PDZD2: variants seen among roughly 807,000 people sequenced by gnomAD.
The protein encoded by PDZD2 is PDZ domain-containing protein 2.
Under a neutral mutation model 220.7 loss-of-function variants are expected in PDZD2, and 90 were observed. The ratio of observed to expected loss-of-function variants is 0.41; its 90% CI spans 0.34 to 0.49. PDZD2 has a LOEUF of 0.49. PDZD2 is among the 20% of genes least tolerant of loss of function. The pLI, the probability that PDZD2 is intolerant of heterozygous loss-of-function variation, is 0.28. For missense variants in PDZD2, 3,174 were observed against 3,608.5 expected (o/e 0.88, Z 3.08); for synonymous variants, 1,375 against 1,450.5 (o/e 0.95, Z 1.18).
In PDZD2 at chr5:31,978,270, T is replaced by A. The variant is rs576407268; in HGVS notation, c.477-4885T>A. On this transcript the variant is annotated intron_variant, in intron 2 of 24. Transcript: ENST00000438447. ...TTTCTCAAATACTGACTTCAGAGTT[T>A]ACTGTAATGATTCTAATGCTGGGTA... Among the ~76,000 whole-genome samples the A allele has an allele frequency of 6.6e-5, 10 of 152,318 alleles. No homozygotes were observed. In the East Asian group the frequency reaches 1.9e-3, roughly 29 times the overall value.
intron 2 of PDZD2, among the ~76,000 whole-genome samples, chr5:31,857,445 AAG>A (rs1376891317): frequency 3.3e-5 from 5 of 152,182 alleles, no homozygotes; most frequent in African/African-American, 1.2e-4. Context: ...GTTCCTGAGA[AAG>A]AGGACATGGG....
intron 5 of PDZD2, among the ~76,000 whole-genome samples, chr5:32,002,800 A>G (rs1399742266): frequency 8.6e-6 from 1 of 116,680 alleles, no homozygotes; most frequent in African/African-American, 3.4e-5. Context: ...CACACCACCA[A>G]CACAACCACC....
intron 2 of PDZD2, among the ~76,000 whole-genome samples, chr5:31,952,286 G>C (rs1747250680): frequency 1.3e-5 from 2 of 152,340 alleles, no homozygotes; most frequent in African/African-American, 4.8e-5. Flanking sequence ...TATCATAGCA[G>C]ACAGTGATTT....
chr5:31,910,678 A>G (rs1199622554), intron 2 of PDZD2, among the ~76,000 whole-genome samples: 2 of 149,360 alleles, frequency 1.3e-5, no homozygotes. Context: ...AGCATGAGCT[A>G]CCACACCCAG....
chr5:31,898,808 C>CTTTTTT (rs35589628), intron 2 of PDZD2, among the ~76,000 whole-genome samples: 107 of 123,418 alleles, frequency 8.7e-4, no homozygotes, highest in Non-Finnish European at 1.2e-3. Context: ...AGCCTCTCTT[C>CTTTTTT]TTTTTTTTTT....
chr5:32,107,820 T>C, intron 24 of PDZD2, 149 bp from the exon 25 acceptor site: 1 of 507,596 alleles, frequency 2.0e-6, no homozygotes, highest in Non-Finnish European at 3.4e-6. Flanking sequence ...CTTTTATGGA[T>C]ATATGCTTTT....
At chr5:31,658,392 A>G (rs932371293) in intron 1 of PDZD2, among the ~76,000 whole-genome samples, 3 of 151,658 alleles carry the variant, frequency 2.0e-5, no homozygotes, top group Non-Finnish European at 4.4e-5. Flanking sequence ...TTCTGAGAAA[A>G]TTTCCCTCCT....
chr5:31,900,541 A>G (rs1741999074), intron 2 of PDZD2, among the ~76,000 whole-genome samples: 1 of 152,070 alleles, frequency 6.6e-6, no homozygotes, highest in Admixed American at 6.6e-5. Context: ...CTCCTGCAGG[A>G]TCTGGCCAGT....
At chr5:31,859,652 T>C (rs984342548) in intron 2 of PDZD2, among the ~76,000 whole-genome samples, 13 of 152,038 alleles carry the variant, frequency 8.6e-5, no homozygotes, top group African/African-American at 1.9e-4. Flanking sequence ...TGTTTGTTTG[T>C]TTGCTTTTGG....
At chr5:31,734,154 T>C (rs1749701892) in intron 1 of PDZD2, among the ~76,000 whole-genome samples, 1 of 152,012 alleles carries the variant, frequency 6.6e-6, no homozygotes, top group African/African-American at 2.4e-5. Flanking sequence ...AAAGATAGGA[T>C]AAAGGATACA....
intron 2 of PDZD2, among the ~76,000 whole-genome samples, chr5:31,873,680 G>A (rs1008871223): frequency 1.8e-4 from 27 of 151,544 alleles, no homozygotes; most frequent in African/African-American, 6.3e-4. Flanking sequence ...GGGATTACAG[G>A]CATGAGCCAC....
At chr5:31,928,068 G>C (rs1744949546) in intron 2 of PDZD2, among the ~76,000 whole-genome samples, 1 of 152,200 alleles carries the variant, frequency 6.6e-6, no homozygotes, top group African/African-American at 2.4e-5. Context: ...GTTAGGATGA[G>C]CTGGGACTTC....
rs201376601 is a variant in PDZD2 at position 32,087,698 on chromosome 5, G to A, written c.4250G>A (p.Gly1417Glu). The A allele has an allele frequency of 1.9e-6, 3 of 1,613,946 alleles. No individual in the cohort carries two copies. The highest frequency in any genetic ancestry group is 1.1e-5 in the South Asian group (1 of 91,086). The change falls in exon 20 of 25, where the codon GGG becomes GAG. Residue 1417 changes from glycine (G) to glutamate (E), a missense_variant. By Grantham distance (98) the Gly-to-Glu change is moderately conservative. Around this residue, in one of 4 missense-constraint regions of PDZD2, gnomAD observed 1,861 missense variants for 2,001.0 expected, o/e 0.93. Coordinates refer to ENST00000438447, the MANE Select transcript of PDZD2 (RefSeq NM_178140.4). The surrounding 1 kb of genome is among the most constrained non-coding windows in gnomAD (Gnocchi z 4.0). Reference sequence around the variant, plus strand: ...CATGTCTCGGGGCACTGCTGCCCAGGGGGGAGTAGAGAGAGCCCTGTGACG... The same window carrying A: ...CATGTCTCGGGGCACTGCTGCCCAGAGGGGAGTAGAGAGAGCCCTGTGACG... ...CGHVSGHCCPGGSRESPVTDI... is the reference protein window; with the variant it reads ...CGHVSGHCCPEGSRESPVTDI...
chr5:31,999,984 C>T (rs1054714945), intron 4 of PDZD2, among the ~76,000 whole-genome samples, 155 bp from the exon 5 acceptor site: 1 of 152,184 alleles, frequency 6.6e-6, no homozygotes, highest in Non-Finnish European at 1.5e-5. Flanking sequence ...CATGAATAAA[C>T]AATCGCATCC....
intron 2 of PDZD2, among the ~76,000 whole-genome samples, chr5:31,901,261 T>C (rs1288402749): frequency 1.3e-5 from 2 of 151,812 alleles, no homozygotes; most frequent in Non-Finnish European, 2.9e-5. Flanking sequence ...CTACTAAAAA[T>C]ACAAAAATTA....
At chr5:32,003,863 C>A (rs549227826) in intron 5 of PDZD2, among the ~76,000 whole-genome samples, 1 of 152,198 alleles carries the variant, frequency 6.6e-6, no homozygotes, top group South Asian at 2.1e-4. Flanking sequence ...AGGTGCCCAC[C>A]ACCACGTCTG....
chr5:31,717,080 A>C (rs1748497732), intron 1 of PDZD2, among the ~76,000 whole-genome samples: 1 of 152,174 alleles, frequency 6.6e-6, no homozygotes, highest in African/African-American at 2.4e-5. Flanking sequence ...CCCAGTCAAC[A>C]AGGCCCCAGA....
chr5:32,067,442 G>A (rs1285698099), intron 14 of PDZD2, among the ~76,000 whole-genome samples: 1 of 152,172 alleles, frequency 6.6e-6, no homozygotes, highest in East Asian at 1.9e-4. Flanking sequence ...GGAGGGGGGT[G>A]TGTGTGTAAG....
chr5:31,939,777 C>T (rs1746058977), intron 2 of PDZD2, among the ~76,000 whole-genome samples: 2 of 152,278 alleles, frequency 1.3e-5, no homozygotes, highest in African/African-American at 4.8e-5. Context: ...TCTGTCATCT[C>T]CCTTTGGCTA....
Sources: allele counts gnomAD v4.1 joint callset (sites outside exome capture counted in the v4.1 genomes callset), GRCh38; gene constraint gnomAD v4.1.1; regional missense constraint gnomAD v4.1.1; non-coding constraint Gnocchi (gnomAD v3.1); transcripts MANE v1.5; gene names NCBI Gene and HGNC (gene_info 2026-07-23, HGNC 2026-07-21).